Variants in CNTNAP3B observed in about 807,000 individuals in gnomAD.
CNTNAP3B encodes the protein contactin-associated protein-like 3B.
Under a neutral mutation model 108.9 loss-of-function variants are expected in CNTNAP3B, and 25 were observed. The ratio of observed to expected loss-of-function variants is 0.23; its 90% CI spans 0.17 to 0.32. CNTNAP3B has a LOEUF of 0.32. CNTNAP3B is among the 10% of genes least tolerant of loss of function. The pLI is 1.00. For missense variants in CNTNAP3B, 252 were observed against 1,210.4 expected (o/e 0.21, Z 11.75); for synonymous variants, 103 against 473.4 (o/e 0.22, Z 10.16).
At chr9:42,102,098 T>TAAATAAA (rs1828013649) in intron 2 of CNTNAP3B, among the ~76,000 whole-genome samples, 1 of 37,346 alleles carries the variant, frequency 2.7e-5, no homozygotes, top group Non-Finnish European at 5.3e-5. Flanking sequence ...AATAAATAAA[T>TAAATAAA]TTACAACAAG....
intron 1 of CNTNAP3B, among the ~76,000 whole-genome samples, chr9:42,112,215 C>T (rs1378505494): frequency 7.1e-6 from 1 of 140,058 alleles, no homozygotes; most frequent in Non-Finnish European, 1.5e-5. Flanking sequence ...GTTCCCATCA[C>T]TTATTATCTT....
chr9:42,055,344 T>C (rs1827045766), intron 3 of CNTNAP3B, among the ~76,000 whole-genome samples: 1 of 138,218 alleles, frequency 7.2e-6, no homozygotes, highest in Non-Finnish European at 1.5e-5. Flanking sequence ...TGGGAGAATA[T>C]CTTACCTTAT....
At chr9:42,032,324 C>T (rs981520196) in intron 3 of CNTNAP3B, among the ~76,000 whole-genome samples, 1 of 106,796 alleles carries the variant, frequency 9.4e-6, no homozygotes, top group Non-Finnish European at 1.9e-5. Context: ...AAACCCACAG[C>T]CTACACTGGC....
At chr9:41,919,376 A>T (rs1823606697) in intron 18 of CNTNAP3B, among the ~76,000 whole-genome samples, 1 of 151,614 alleles carries the variant, frequency 6.6e-6, no homozygotes, top group Non-Finnish European at 1.5e-5. Context: ...GGCCTCCCAA[A>T]GTGCTGGGAT....
intron 11 of CNTNAP3B, among the ~76,000 whole-genome samples, chr9:41,963,086 C>T (rs1485879724): frequency 2.0e-5 from 3 of 152,384 alleles, no homozygotes; most frequent in African/African-American, 4.8e-5. Flanking sequence ...TCCTCTTTTG[C>T]CCAGATCCTT....
chr9:42,117,351 A>G (rs1332923477), intron 1 of CNTNAP3B, among the ~76,000 whole-genome samples: 1 of 133,472 alleles, frequency 7.5e-6, no homozygotes. Context: ...CAATCAAACT[A>G]GAACTCAGGA....
chr9:42,114,770 G>A lies in CNTNAP3B; in HGVS notation c.86-10031C>T. ...ATGTTCCACTGAAGAAGAGAGAAAT[G>A]GGCAAAGTAACCAAGGAAAGAATAT... On this transcript the variant is annotated intron_variant, in intron 1 of 23. Coordinates refer to ENST00000377561, the MANE Select transcript of CNTNAP3B (RefSeq NM_001201380.3). 1.5e-5 allele frequency among the ~76,000 whole-genome samples: 2 copies of A among 135,606 alleles called. 1 individual carries two copies. The highest frequency in any genetic ancestry group is 5.9e-5 in the African/African-American group (2 of 33,642). 89.0% of individuals were successfully genotyped at this position (135,606 alleles called of 152,430 possible).
At chr9:42,071,490 C>A (rs1827378552) in intron 3 of CNTNAP3B, among the ~76,000 whole-genome samples, 1 of 135,160 alleles carries the variant, frequency 7.4e-6, no homozygotes, top group Non-Finnish European at 1.6e-5. Flanking sequence ...TTGCTTATTT[C>A]TTTTTATCTA....
At chr9:42,087,256 C>A (rs1306129411) in intron 2 of CNTNAP3B, among the ~76,000 whole-genome samples, 2 of 138,036 alleles carry the variant, frequency 1.4e-5, no homozygotes, top group Non-Finnish European at 3.1e-5. Flanking sequence ...TATCCATACA[C>A]AATAATGTAT....
intron 7 of CNTNAP3B, among the ~76,000 whole-genome samples, chr9:41,995,587 C>G (rs1237704958): frequency 7.8e-6 from 1 of 128,030 alleles, no homozygotes; most frequent in Non-Finnish European, 1.6e-5. Flanking sequence ...TACAAAAAGC[C>G]GGGCATGCTG....
rs1828172735 is a variant in CNTNAP3B at position 42,110,420 on chromosome 9, G to A, written c.86-5681C>T. Among the ~76,000 whole-genome samples, 4 of 136,040 alleles carry A rather than the reference G, an allele frequency of 2.9e-5. No homozygotes were observed. The South Asian group carries it at 9.5e-4, about 32-fold the overall frequency. 89.2% of individuals were successfully genotyped at this position (136,040 alleles called of 152,430 possible). On this transcript the variant is annotated intron_variant, in intron 1 of 23. Transcript: ENST00000377561. ...GGGCCACCGAACTGCTAATATGAGG[G>A]GACGGCACCTTAACCAGCTTCGAAT...
chr9:41,915,462 CT>C (rs1417803532), intron 18 of CNTNAP3B, among the ~76,000 whole-genome samples: 1 of 113,740 alleles, frequency 8.8e-6, no homozygotes, highest in Non-Finnish European at 1.8e-5. Flanking sequence ...ATTTGGATGC[CT>C]TTTATTTCTT....
intron 2 of CNTNAP3B, among the ~76,000 whole-genome samples, chr9:42,096,919 C>CTT (rs879282328): frequency 3.6e-5 from 4 of 111,912 alleles, no homozygotes; most frequent in African/African-American, 1.5e-4. Context: ...TGGCATGAAA[C>CTT]TTTTTTTTTT....
intron 1 of CNTNAP3B, among the ~76,000 whole-genome samples, chr9:42,123,825 A>G (rs1446254214): frequency 7.7e-6 from 1 of 129,462 alleles, no homozygotes; most frequent in Non-Finnish European, 1.6e-5. Flanking sequence ...TCCGTAAAGC[A>G]TATAAAGTAT....
intron 1 of CNTNAP3B, among the ~76,000 whole-genome samples, chr9:42,124,879 G>T (rs1474934401): frequency 1.5e-5 from 2 of 137,184 alleles, no homozygotes; most frequent in Non-Finnish European, 3.1e-5. Flanking sequence ...TTTTTTTTCA[G>T]CCTCTTTATT....
intron 10 of CNTNAP3B, among the ~76,000 whole-genome samples, chr9:41,968,051 C>G (rs912274306): frequency 2.6e-5 from 4 of 152,236 alleles, no homozygotes; most frequent in South Asian, 2.1e-4. Flanking sequence ...AACAAAACAG[C>G]CTATAACAGT....
At chr9:41,997,389 A>T (rs1825919164) in intron 6 of CNTNAP3B, among the ~76,000 whole-genome samples, 179 bp downstream of exon 6, 1 of 152,212 alleles carries the variant, frequency 6.6e-6, no homozygotes, top group East Asian at 1.9e-4. Context: ...AAGGTGGAAA[A>T]GATGATCTAT....
rs1405283972 is a variant in CNTNAP3B, at chr9:42,001,671, G to A, written c.539-3067C>T. Among the ~76,000 whole-genome samples the A allele has an allele frequency of 3.9e-5, 4 of 102,082 alleles. 1 individual carries two copies. The highest frequency in any genetic ancestry group is 8.3e-5 in the Non-Finnish European group (4 of 48,050). 67.0% of individuals were successfully genotyped at this position (102,082 alleles called of 152,430 possible). A position where few individuals can be genotyped will look rare whatever the true frequency, so the allele number is the denominator to read the frequency against. The stretch of plus-strand genomic sequence containing the variant: ...TCAAAGTTTTCAGAATAAAAGCCTT[G>A]CTATCCAAAATGAATAAAGAAAACT... On this transcript the variant is annotated intron_variant, in intron 4 of 23. Coordinates refer to ENST00000377561, the MANE Select transcript of CNTNAP3B (RefSeq NM_001201380.3).
At chr9:41,961,526 C>T (rs1431468728) in intron 11 of CNTNAP3B, among the ~76,000 whole-genome samples, 8 of 152,296 alleles carry the variant, frequency 5.3e-5, no homozygotes, top group Non-Finnish European at 1.0e-4. Context: ...ATTAAAAGGC[C>T]TAAATAATCT....
Sources: allele counts gnomAD v4.1 joint callset (sites outside exome capture counted in the v4.1 genomes callset), GRCh38; gene constraint gnomAD v4.1.1; transcripts MANE v1.5; gene names NCBI Gene and HGNC (gene_info 2026-07-23, HGNC 2026-07-21).